Variants in CERT1 observed in about 807,000 individuals in gnomAD.
CERT1 encodes ceramide transfer protein.
In CERT1, 31 loss-of-function variants were observed where a neutral mutation model predicts 87.9. The ratio of observed to expected loss-of-function variants is 0.35; its 90% CI spans 0.27 to 0.48. The LOEUF is 0.48. Among genes scored for constraint, CERT1 ranks in the 20% least tolerant of loss-of-function variants. The probability of loss-of-function intolerance (pLI) is 0.99; values close to 1 mark genes in which losing one functional copy is unlikely to be tolerated. For missense variants in CERT1, 487 were observed against 758.0 expected, an observed-to-expected ratio of 0.64 and a Z score of 4.20; for synonymous variants, 289 against 250.9, an observed-to-expected ratio of 1.15 and a Z score of -1.44.
intron 2 of CERT1, among the ~76,000 whole-genome samples, 178 bp from the exon 3 acceptor site, chr5:75,459,359 A>C (rs1401893002): frequency 6.6e-6 from 1 of 152,236 alleles, no homozygotes; most frequent in East Asian, 1.9e-4. Context: ...AGTTACCAAA[A>C]GCCAAATTTC....
At chr5:75,456,063 A>C (rs1764970024) in intron 3 of CERT1, among the ~76,000 whole-genome samples, 1 of 152,212 alleles carries the variant, frequency 6.6e-6, no homozygotes, top group South Asian at 2.1e-4. Context: ...CTTAAATAGT[A>C]AAATTACTAA....
intron 3 of CERT1, among the ~76,000 whole-genome samples, chr5:75,432,693 G>A (rs774601610): frequency 1.2e-4 from 18 of 152,172 alleles, no homozygotes; most frequent in Non-Finnish European, 2.1e-4. Context: ...CTTTGCAAAA[G>A]CTCTATAATT....
At chr5:75,370,350 C>T (rs1054758676) in intron 17 of CERT1, 1 of 152,132 alleles carries the variant, frequency 6.6e-6, no homozygotes, top group Non-Finnish European at 1.5e-5. Flanking sequence ...TACCTGAGTG[C>T]AACAAGTGGA....
At chr5:75,426,595 A>G in intron 3 of CERT1, 117 bp from the exon 4 acceptor site, 1 of 675,386 alleles carries the variant, frequency 1.5e-6, no homozygotes, top group East Asian at 2.7e-5. Flanking sequence ...GGTGCACATA[A>G]GATATATAGT....
At chr5:75,489,466 C>T (rs1271111088) in intron 2 of CERT1, among the ~76,000 whole-genome samples, 1 of 152,150 alleles carries the variant, frequency 6.6e-6, no homozygotes, top group Non-Finnish European at 1.5e-5. Context: ...AGGCAACCTA[C>T]AGAATGGGAG....
At chr5:75,477,814 T>C (rs1766038159) in intron 2 of CERT1, among the ~76,000 whole-genome samples, 1 of 152,144 alleles carries the variant, frequency 6.6e-6, no homozygotes, top group Non-Finnish European at 1.5e-5. Flanking sequence ...TGAGTAGAGC[T>C]AATTGTTTTC....
chr5:75,456,866 A>C (rs1431715810), intron 3 of CERT1, among the ~76,000 whole-genome samples: 1 of 152,142 alleles, frequency 6.6e-6, no homozygotes, highest in African/African-American at 2.4e-5. Context: ...AGAAATATAT[A>C]CTTCGTGCAT....
At chr5:75,424,590 AAG>A (rs1161489919) in intron 5 of CERT1, among the ~76,000 whole-genome samples, 1 of 151,372 alleles carries the variant, frequency 6.6e-6, no homozygotes, top group Non-Finnish European at 1.5e-5. Flanking sequence ...AAGAAAGAAA[AAG>A]AGAGAGAGAG....
intron 2 of CERT1, among the ~76,000 whole-genome samples, chr5:75,478,934 A>AAAAAAAC (rs1766100812): frequency 6.7e-6 from 1 of 148,722 alleles, no homozygotes; most frequent in Non-Finnish European, 1.5e-5. Flanking sequence ...AAAAAAAAAA[A>AAAAAAAC]AAAAAGCCAC....
chr5:75,425,120 C>A (rs946243655), intron 5 of CERT1: 21 of 385,114 alleles, frequency 5.5e-5, no homozygotes, highest in South Asian at 5.2e-4. Flanking sequence ...CATGTCTCAA[C>A]AAAAAAGTAA....
intron 3 of CERT1, among the ~76,000 whole-genome samples, chr5:75,432,967 T>C (rs893683335): frequency 2.0e-5 from 3 of 152,218 alleles, no homozygotes; most frequent in African/African-American, 4.8e-5. Flanking sequence ...CTTTTCCCTA[T>C]TGCTTATTTT....
At chr5:75,507,984 A>G (rs1352315860) in intron 1 of CERT1, among the ~76,000 whole-genome samples, 1 of 152,176 alleles carries the variant, frequency 6.6e-6, no homozygotes, top group East Asian at 1.9e-4. Context: ...AGGAGACTTA[A>G]TAATTTTTTC....
At chr5:75,470,922 A>T (rs1765678282) in intron 2 of CERT1, among the ~76,000 whole-genome samples, 1 of 152,200 alleles carries the variant, frequency 6.6e-6, no homozygotes, top group African/African-American at 2.4e-5. Context: ...AAAAATCACT[A>T]GTGTTTTTAT....
chr5:75,400,403 T>C (rs1762421803), intron 9 of CERT1, 106 bp from the exon 10 acceptor site: 2 of 720,704 alleles, frequency 2.8e-6, no homozygotes, highest in Non-Finnish European at 4.7e-6. Flanking sequence ...AGTGAACGCC[T>C]TAGTGCTTAT....
chr5:75,379,354 A>T lies in CERT1; in HGVS notation c.1867T>A (p.Leu623Met). 6.2e-7 allele frequency: 1 copy of T among 1,613,128 alleles called. No individual in the cohort carries two copies. Among genetic ancestry groups the T allele is most frequent in the South Asian group, 1.1e-5 (1 of 91,056 alleles). ...VQEKTAGKPI[L>M]F ...TCTAGTACCTGTTAATACTAGAACA[A>T]AATAGGCTTTCCTGCAGTTTTTTCT... The change falls in exon 17 of 17, where the codon TTG (leucine) becomes ATG (methionine). Residue 623 changes from leucine (L) to methionine (M), a missense_variant. Around this residue, in one of 8 missense-constraint regions of CERT1, gnomAD observed 33 missense variants for 64.4 expected, o/e 0.51. Coordinates refer to ENST00000643780, the MANE Select transcript of CERT1 (RefSeq NM_001379029.1).
At chr5:75,468,438 G>A (rs538246157) in intron 2 of CERT1, among the ~76,000 whole-genome samples, 1 of 152,228 alleles carries the variant, frequency 6.6e-6, no homozygotes, top group African/African-American at 2.4e-5. Context: ...GCCTGCCACA[G>A]TAAAAATCCA....
intron 2 of CERT1, among the ~76,000 whole-genome samples, chr5:75,499,657 T>C (rs1222480218): frequency 6.6e-6 from 1 of 152,206 alleles, no homozygotes; most frequent in East Asian, 1.9e-4. Context: ...GAACCCAGAT[T>C]TGACTTCACG....
chr5:75,387,562 T>TG (rs1383049590), intron 12 of CERT1, among the ~76,000 whole-genome samples: 14 of 151,776 alleles, frequency 9.2e-5, no homozygotes, highest in Admixed American at 9.2e-4. Flanking sequence ...GCCAACAAGG[T>TG]GAAACCCCAT....
chr5:75,477,879 A>T (rs1472024061), intron 2 of CERT1, among the ~76,000 whole-genome samples: 2 of 152,166 alleles, frequency 1.3e-5, no homozygotes, highest in African/African-American at 4.8e-5. Flanking sequence ...GATACATAAT[A>T]CTTTTGTTAA....
Sources: gnomAD v4.1 joint callset for allele counts (sites outside exome capture counted in the v4.1 genomes callset) on GRCh38, gnomAD v4.1.1 for gene constraint, gnomAD v4.1.1 regional missense constraint, MANE v1.5 for transcripts, NCBI Gene and HGNC (gene_info 2026-07-23, HGNC 2026-07-21) for gene names.